NUBP2: variants seen among roughly 807,000 people sequenced by gnomAD.
NUBP2 encodes cytosolic Fe-S cluster assembly factor NUBP2.
NUBP2 carries 23 observed loss-of-function variants against 24.9 expected under a neutral mutation model. That is an observed-to-expected ratio of 0.92 (90% CI 0.66 to 1.31). The LOEUF is 1.31. Among genes scored for constraint, NUBP2 ranks in the 50% most tolerant of loss-of-function variants. The pLI is 0.00. For synonymous variants in NUBP2, 186 were observed against 170.9 expected, an observed-to-expected ratio of 1.09 and a Z score of -0.69; for missense variants, 403 against 386.5, an observed-to-expected ratio of 1.04 and a Z score of -0.36.
intron 1 of NUBP2, chr16:1,783,642 C>T (rs896660822): frequency 9.7e-6 from 3 of 308,028 alleles, no homozygotes; most frequent in African/African-American, 2.3e-5. Context: ...GGAAAACATT[C>T]CTCGGACAGC....
At chr16:1,787,001 C>T (rs550498435) in intron 3 of NUBP2, 46 bp downstream of exon 3, 21 of 1,458,478 alleles carry the variant, frequency 1.4e-5, no homozygotes, top group Admixed American at 5.1e-5. Flanking sequence ...AGGGGGTTAG[C>T]GTCCGTGCCG....
rs576218296 is a variant in NUBP2, at chr16:1,786,098, C to T, written c.17-439C>T. The T allele has an allele frequency of 1.0e-4, 77 of 735,968 alleles. No individual in the cohort carries two copies. In the African/African-American group the frequency reaches 1.3e-3, roughly 12 times the overall value. 45.6% of individuals were successfully genotyped at this position (735,968 alleles called of 1,614,324 possible). A position where few individuals can be genotyped will look rare whatever the true frequency, so the allele number is the denominator to read the frequency against. On this transcript the variant is annotated intron_variant, in intron 1 of 6. Coordinates refer to ENST00000262302, the MANE Select transcript of NUBP2 (RefSeq NM_012225.4). The stretch of plus-strand genomic sequence containing the variant: ...ACAACGCGTGGTTGTTGCCACCCAC[C>T]CTGGGCCCTCTGCTGCCTCTGCCGA...
Position 1,786,763 on chromosome 16 carries a change from A to G in NUBP2, c.142A>G (p.Ile48Val). The change falls in exon 3 of 7, where the codon ATC (isoleucine) becomes GTC (valine). Residue 48 changes from isoleucine to valine, a missense_variant. Physicochemically the swap from Ile to Val is conservative, Grantham distance 29. Coordinates refer to ENST00000262302, the MANE Select transcript of NUBP2 (RefSeq NM_012225.4). Reference sequence around the variant, plus strand: ...GCTGTGCCGCTCCTTGCAGGTGGGAATCCTGGATGTGGACCTGTGTGGCCC... The same window carrying G: ...GCTGTGCCGCTCCTTGCAGGTGGGAGTCCTGGATGTGGACCTGTGTGGCCC... ...ALRHAGKKVG[I>V]LDVDLCGPSI... 6.2e-7 allele frequency: 1 copy of G among 1,611,270 alleles called. No individual in the cohort carries two copies. The highest frequency in any genetic ancestry group is 8.5e-7 in the Non-Finnish European group (1 of 1,178,956).
Position 1,786,867 on chromosome 16 carries a change from C to A in NUBP2, c.246C>A (p.Asp82Glu). The change falls in exon 3 of 7, where the codon GAC (aspartate) becomes GAA (glutamate). Residue 82 changes from aspartate to glutamate, a missense_variant. Coordinates refer to ENST00000262302, the MANE Select transcript of NUBP2 (RefSeq NM_012225.4). ...CDRGWAPVFLDREQSISLMSV... is the reference protein window; with the variant it reads ...CDRGWAPVFLEREQSISLMSV... Reference sequence around the variant, plus strand: ...GCGGCTGGGCACCCGTCTTCCTGGACCGGGAGCAGAGCATCTCGCTCATGT... The same window carrying A: ...GCGGCTGGGCACCCGTCTTCCTGGAACGGGAGCAGAGCATCTCGCTCATGT... 1 of 1,589,890 alleles carries A rather than the reference C, an allele frequency of 6.3e-7. No individual in the cohort carries two copies. The highest frequency in any genetic ancestry group is 8.6e-7 in the Non-Finnish European group (1 of 1,163,612).
In NUBP2 at chr16:1,788,690, C is replaced by T. The variant is rs183140147; in HGVS notation, c.792C>T (p.Asp264=). 1.2e-5 allele frequency: 19 copies of T among 1,611,704 alleles called. No individual in the cohort carries two copies. The highest frequency in any genetic ancestry group is 1.1e-4 in the African/African-American group (8 of 75,060). ...CCTCCATAGCCCAGAAGATTCTGGACGCGACGCCCGCGTGCCTCCCCTGAC... is the reference window on the plus strand; with the variant it reads ...CCTCCATAGCCCAGAAGATTCTGGATGCGACGCCCGCGTGCCTCCCCTGAC... The part of the protein sequence containing the change: ...ALTSIAQKIL[D]ATPACLP Residue 264 remains aspartate (D), a synonymous_variant, in exon 7 of 7, where the codon GAC becomes GAT. Transcript: ENST00000262302.
chr16:1,786,885 G>A lies in NUBP2; in HGVS notation c.264G>A (p.Ser88=), dbSNP rs376207363. ...PVFLDREQSI[S]LMSVGFLLEK... is the part of the protein sequence containing the mutation. ...TCCTGGACCGGGAGCAGAGCATCTC[G>A]CTCATGTCTGTGGGCTTCCTGCTGG... is the stretch of plus-strand genomic sequence containing the variant. The change falls in exon 3 of 7, where the codon TCG becomes TCA. Residue 88 remains serine (S), a synonymous_variant. Transcript: ENST00000262302. 26 of 1,572,260 alleles carry A rather than the reference G, an allele frequency of 1.7e-5. No homozygotes were observed. The highest frequency in any genetic ancestry group is 1.6e-4 in the African/African-American group (12 of 74,124).
At chr16:1,785,072 C>T in intron 1 of NUBP2, 2 of 984,772 alleles carry the variant, frequency 2.0e-6, no homozygotes, top group Non-Finnish European at 2.4e-6. Context: ...TATACATTTA[C>T]TGTAAAAATA....
In NUBP2 at chr16:1,788,806, C is replaced by T. The variant is rs1054534735; in HGVS notation, c.*92C>T. Reference sequence around the variant, plus strand: ...GAGGCCTGGGCTCGGTTCCCGGGCCCTGCAGGGGCAGGCCCAGGCAGCGTC... The same window carrying T: ...GAGGCCTGGGCTCGGTTCCCGGGCCTTGCAGGGGCAGGCCCAGGCAGCGTC... On this transcript the variant is annotated 3_prime_UTR_variant, in exon 7 of 7. Coordinates refer to ENST00000262302, the MANE Select transcript of NUBP2 (RefSeq NM_012225.4). 1.4e-6 allele frequency: 2 copies of T among 1,442,034 alleles called. No homozygotes were observed. The highest frequency in any genetic ancestry group is 1.8e-6 in the Non-Finnish European group (2 of 1,089,456). The allele number at this position is 1,442,034 out of a possible 1,614,324, so 89.3% of individuals were successfully genotyped here. A position where few individuals can be genotyped will look rare whatever the true frequency, so the allele number is the denominator to read the frequency against.
chr16:1,785,273 G>A (rs1188345540), intron 1 of NUBP2: 2 of 1,042,462 alleles, frequency 1.9e-6, no homozygotes, highest in East Asian at 1.8e-4. Flanking sequence ...CTTAGGAGCT[G>A]CCTCAGTTTG....
intron 1 of NUBP2, chr16:1,785,789 G>T (rs1027563036): frequency 7.8e-7 from 1 of 1,289,046 alleles, no homozygotes; most frequent in African/African-American, 1.5e-5. Context: ...GGATCAGAAG[G>T]GGGCAGGTTT....
chr16:1,786,765 C>A lies in NUBP2; in HGVS notation c.144C>A (p.Ile48=), dbSNP rs764382809. Reference sequence around the variant, plus strand: ...TGTGCCGCTCCTTGCAGGTGGGAATCCTGGATGTGGACCTGTGTGGCCCCA... The same window carrying A: ...TGTGCCGCTCCTTGCAGGTGGGAATACTGGATGTGGACCTGTGTGGCCCCA... The part of the protein sequence containing the change: ...ALRHAGKKVG[I]LDVDLCGPSI... Residue 48 remains isoleucine, a synonymous_variant, in exon 3 of 7, where the codon ATC becomes ATA. Transcript: ENST00000262302. 1 of 1,611,298 alleles carries A rather than the reference C, an allele frequency of 6.2e-7. No homozygotes were observed. The highest frequency in any genetic ancestry group is 1.1e-5 in the South Asian group (1 of 90,980).
Position 1,788,177 on chromosome 16 carries a change from C to G in NUBP2, c.640C>G (p.Leu214Val). The G allele has an allele frequency of 1.3e-6, 2 of 1,523,518 alleles. No individual in the cohort carries two copies. The highest frequency in any genetic ancestry group is 1.8e-6 in the Non-Finnish European group (2 of 1,139,686). 94.4% of individuals were successfully genotyped at this position (1,523,518 alleles called of 1,614,324 possible). The change falls in exon 6 of 7, where the codon CTG becomes GTG. Residue 214 changes from leucine (L) to valine (V), a missense_variant. Physicochemically the swap from Leu to Val is conservative, Grantham distance 32. Coordinates refer to ENST00000262302, the MANE Select transcript of NUBP2 (RefSeq NM_012225.4). The part of the protein sequence containing the change: ...SVFSRGGGEE[L>V]AQLAGVPFLG... Reference sequence around the variant, plus strand: ...CTTCTCCAGGGGCGGCGGAGAGGAGCTGGCCCAGCTCGCCGGGGTGCCCTT... The same window carrying G: ...CTTCTCCAGGGGCGGCGGAGAGGAGGTGGCCCAGCTCGCCGGGGTGCCCTT...
rs1397797591 is a variant in NUBP2 at position 1,788,013 on chromosome 16, G to A, written c.562G>A (p.Val188Met). The A allele has an allele frequency of 5.0e-6, 8 of 1,603,216 alleles. No homozygotes were observed. Among genetic ancestry groups the A allele is most frequent in the Non-Finnish European group, 5.9e-6 (7 of 1,176,720 alleles). The change falls in exon 5 of 7, where the codon GTG (valine) becomes ATG (methionine). Residue 188 changes from valine (V) to methionine (M), a missense_variant. Physicochemically the swap from Val to Met is conservative, Grantham distance 21 (BLOSUM62 1). Coordinates refer to ENST00000262302, the MANE Select transcript of NUBP2 (RefSeq NM_012225.4). Reference sequence around the variant, plus strand: ...GACGGGCTTGCGGGTGATGGGAATCGTGGAGAATATGAGCGGCTTCACCTG... The same window carrying A: ...GACGGGCTTGCGGGTGATGGGAATCATGGAGAATATGAGCGGCTTCACCTG... ...RKTGLRVMGIVENMSGFTCPH... is the reference protein window; with the variant it reads ...RKTGLRVMGIMENMSGFTCPH...
At position 1,786,524 on chromosome 16, in the gene NUBP2, T is replaced by C; in HGVS notation, c.17-13T>C. ...CCAGGAGCCCTGACCTTCTCTGTCGTGTTTCCGCCCAGAGCCTGGAAACCT... is the reference window on the plus strand; with the variant it reads ...CCAGGAGCCCTGACCTTCTCTGTCGCGTTTCCGCCCAGAGCCTGGAAACCT... On this transcript the variant is annotated splice_polypyrimidine_tract_variant and intron_variant, in intron 1 of 6. Coordinates refer to ENST00000262302, the MANE Select transcript of NUBP2 (RefSeq NM_012225.4). 1.3e-6 allele frequency: 2 copies of C among 1,582,708 alleles called. No homozygotes were observed. The highest frequency in any genetic ancestry group is 2.3e-5 in the South Asian group (2 of 87,870).
intron 6 of NUBP2, 141 bp downstream of exon 6, chr16:1,788,348 A>G (rs1897090240): frequency 1.8e-6 from 2 of 1,086,342 alleles, no homozygotes; most frequent in South Asian, 1.7e-5. Context: ...GCCACACGCC[A>G]TGCCGCTGAG....
At chr16:1,783,397 C>T (rs896629733) in intron 1 of NUBP2, 30 of 1,053,404 alleles carry the variant, frequency 2.8e-5, no homozygotes, top group Non-Finnish European at 3.4e-5. Context: ...GAGCGAGACC[C>T]TGTCTCTAAA....
intron 3 of NUBP2, 58 bp downstream of exon 3, chr16:1,787,013 C>G: frequency 7.0e-7 from 1 of 1,423,840 alleles, no homozygotes; most frequent in Non-Finnish European, 9.3e-7. Flanking sequence ...TCCGTGCCGG[C>G]CTCTCCTGTG....
At chr16:1,783,395 C>T (rs1451351595) in intron 1 of NUBP2, 3 of 1,056,308 alleles carry the variant, frequency 2.8e-6, no homozygotes, top group Admixed American at 5.5e-5. Context: ...AAGAGCGAGA[C>T]CCTGTCTCTA....
chr16:1,786,310 G>A (rs1414437267), intron 1 of NUBP2: 3 of 569,814 alleles, frequency 5.3e-6, no homozygotes, highest in African/African-American at 3.7e-5. Flanking sequence ...CCTCAGGCAG[G>A]TGCAGGGAGT....
Sources: allele counts gnomAD v4.1 joint callset, GRCh38; gene constraint gnomAD v4.1.1; transcripts MANE v1.5; gene names NCBI Gene and HGNC (gene_info 2026-07-23, HGNC 2026-07-21).